The following JPH3 variants were observed in gnomAD, a reference collection of about 807,000 sequenced individuals.
The protein encoded by JPH3 is junctophilin 3.
JPH3 carries 11 observed loss-of-function variants against 59.6 expected under a neutral mutation model. The observed-to-expected ratio is 0.18, with a 90% CI of 0.12 to 0.31. JPH3 has a LOEUF of 0.31. JPH3 is among the 10% of genes least tolerant of loss of function. JPH3 has a pLI of 1.00. For synonymous variants in JPH3, 673 were observed against 483.6 expected (o/e 1.39, Z -5.14); for missense variants, 1,202 against 1,105.7 (o/e 1.09, Z -1.24).
chr16:87,664,349 T>C (rs922647213), intron 2 of JPH3, among the ~76,000 whole-genome samples: 1 of 141,806 alleles, frequency 7.1e-6, no homozygotes, highest in Non-Finnish European at 1.5e-5. Context: ...AAAAAAATCA[T>C]ATGGCCCGTC....
intron 1 of JPH3, among the ~76,000 whole-genome samples, chr16:87,613,649 A>G (rs1364133465): frequency 1.3e-5 from 2 of 151,984 alleles, no homozygotes; most frequent in Non-Finnish European, 2.9e-5. Flanking sequence ...TATATTTTTG[A>G]TCTGCAGTTG....
intron 1 of JPH3, among the ~76,000 whole-genome samples, chr16:87,643,346 G>T (rs2032018356): frequency 6.6e-6 from 1 of 152,174 alleles, no homozygotes; most frequent in Non-Finnish European, 1.5e-5. Context: ...GTGCTGCTGA[G>T]AACCCAGGTG....
At chr16:87,653,373 C>T (rs2032389721) in intron 2 of JPH3, among the ~76,000 whole-genome samples, 1 of 152,100 alleles carries the variant, frequency 6.6e-6, no homozygotes, top group Non-Finnish European at 1.5e-5. Flanking sequence ...CTGCAGGGTT[C>T]TCCAGTGAGT....
chr16:87,656,915 C>A (rs1427897728), intron 2 of JPH3, among the ~76,000 whole-genome samples: 2 of 152,178 alleles, frequency 1.3e-5, no homozygotes, highest in Non-Finnish European at 2.9e-5. Flanking sequence ...TCGCTCTGTT[C>A]ACGGGGCTTT....
intron 2 of JPH3, chr16:87,653,826 G>C (rs1020613708): frequency 6.6e-6 from 1 of 152,256 alleles, no homozygotes; most frequent in Admixed American, 6.5e-5. Flanking sequence ...CGGACACACA[G>C]AATGCCACGT....
At chr16:87,616,010 G>C (rs1463253450) in intron 1 of JPH3, among the ~76,000 whole-genome samples, 3 of 152,188 alleles carry the variant, frequency 2.0e-5, no homozygotes, top group Non-Finnish European at 2.9e-5. Context: ...TGCGTGCAGG[G>C]GCACCACGGC....
chr16:87,604,538 C>T lies in JPH3; in HGVS notation c.382+1010C>T, dbSNP rs1477666808. 10 of 1,261,816 alleles carry T rather than the reference C, an allele frequency of 7.9e-6. No homozygotes were observed. The African/African-American group carries it at 9.2e-5, about 12-fold the overall frequency. 78.2% of individuals were successfully genotyped at this position (1,261,816 alleles called of 1,614,324 possible). The stretch of plus-strand genomic sequence containing the variant: ...CACTGGGTCCTCTGCCTCCCTCGGG[C>T]GGCTCGCCTGTTTCAGGCATGGATG... On this transcript the variant is annotated intron_variant, in intron 1 of 4. Transcript: ENST00000284262.
rs147468725 is a variant in JPH3 at position 87,644,905 on chromosome 16, G to T, written c.1030G>T (p.Val344Phe). The change falls in exon 2 of 5, where the codon GTC (valine) becomes TTC (phenylalanine). Residue 344 changes from valine (V) to phenylalanine (F), a missense_variant. Coordinates refer to ENST00000284262, the MANE Select transcript of JPH3 (RefSeq NM_020655.4). ...EEGKYKQNIL[V>F]GGKRKNLIPL... Reference sequence around the variant, plus strand: ...GGGCAAGTACAAGCAGAACATCCTCGTCGGCGGCAAGCGCAAGAACCTCAT... The same window carrying T: ...GGGCAAGTACAAGCAGAACATCCTCTTCGGCGGCAAGCGCAAGAACCTCAT... The T allele has an allele frequency of 8.1e-6, 13 of 1,612,978 alleles. No individual in the cohort carries two copies. Among genetic ancestry groups the T allele is most frequent in the Middle Eastern group, 3.3e-4 (2 of 6,082 alleles).
intron 2 of JPH3, among the ~76,000 whole-genome samples, chr16:87,680,538 G>T (rs796510165): frequency 6.6e-6 from 1 of 152,374 alleles, no homozygotes; most frequent in South Asian, 2.1e-4. Context: ...TCCAGGGAAG[G>T]TTGCAAGAAA....
In JPH3 at chr16:87,690,321, G is replaced by C. The variant is rs750778818; in HGVS notation, c.1961G>C (p.Arg654Thr). 13 of 1,592,344 alleles carry C rather than the reference G, an allele frequency of 8.2e-6. No individual in the cohort carries two copies. The East Asian group carries it at 9.1e-5, about 11-fold the overall frequency. The change falls in exon 4 of 5, where the codon AGA (arginine) becomes ACA (threonine). Residue 654 changes from arginine (R) to threonine (T), a missense_variant. Coordinates refer to ENST00000284262, the MANE Select transcript of JPH3 (RefSeq NM_020655.4). ...GAGGACCGGGGCTTCGGGGTGCAGA[G>C]ACTGCGGTCCAAGGCCCAGAACAAG... ...RPEDRGFGVQ[R>T]LRSKAQNKEN...
chr16:87,647,982 A>AG (rs1227905369), intron 2 of JPH3, among the ~76,000 whole-genome samples: 4 of 152,108 alleles, frequency 2.6e-5, no homozygotes, highest in African/African-American at 9.7e-5. Flanking sequence ...TCCCTGCTGA[A>AG]GGGGGGCGGG....
At chr16:87,604,552 C>T (rs556713528) in intron 1 of JPH3, 38 of 1,253,920 alleles carry the variant, frequency 3.0e-5, no homozygotes, top group Non-Finnish European at 7.1e-6. Flanking sequence ...TCGCCTGTTT[C>T]AGGCATGGAT....
chr16:87,639,645 T>C (rs1167710921), intron 1 of JPH3, among the ~76,000 whole-genome samples: 1 of 149,542 alleles, frequency 6.7e-6, no homozygotes, highest in Non-Finnish European at 1.5e-5. Context: ...GCCTCCCGCC[T>C]GTCCTCCCGC....
intron 1 of JPH3, among the ~76,000 whole-genome samples, chr16:87,612,870 AT>A (rs1353866857): frequency 2.6e-5 from 4 of 151,460 alleles, no homozygotes; most frequent in East Asian, 2.0e-4. Flanking sequence ...TACAAAAAAA[AT>A]ATTAGCTGGG....
intron 3 of JPH3, among the ~76,000 whole-genome samples, chr16:87,686,647 G>C (rs1459936289): frequency 6.7e-6 from 1 of 148,484 alleles, no homozygotes; most frequent in Non-Finnish European, 1.5e-5. Context: ...CCTGGATTCA[G>C]AGGAGATGCT....
chr16:87,643,027 C>G (rs967957694), intron 1 of JPH3, among the ~76,000 whole-genome samples: 2 of 152,210 alleles, frequency 1.3e-5, no homozygotes, highest in African/African-American at 4.8e-5. Context: ...CTGCAAAACT[C>G]TGTCCCTATT....
intron 4 of JPH3, chr16:87,693,472 G>C (rs1228461383): frequency 6.6e-6 from 1 of 152,248 alleles, no homozygotes. Context: ...TTATCAGTTC[G>C]AGACCAGCCT....
intron 1 of JPH3, among the ~76,000 whole-genome samples, chr16:87,627,425 C>A (rs2031417331): frequency 6.6e-6 from 1 of 152,222 alleles, no homozygotes; most frequent in Non-Finnish European, 1.5e-5. Flanking sequence ...ACCACTGAGA[C>A]CACCCATGGA....
rs1567610816 is a variant in JPH3, at chr16:87,677,227, A to ACACACACACACAC, written c.1161-6915_1161-6914insCACACACACACAC. Reference sequence around the variant, plus strand: ...ACACACACACACACACACACACACAAAAAAAAAAATTAGCCGGGTGTGGTG... The same window carrying ACACACACACACAC: ...ACACACACACACACACACACACACAACACACACACACACAAAAAAAAATTAGCCGGGTGTGGTG... On this transcript the variant is annotated intron_variant, in intron 2 of 4. Transcript: ENST00000284262. Among the ~76,000 whole-genome samples, 226 of 99,174 alleles carry ACACACACACACAC rather than the reference A, an allele frequency of 2.3e-3. 5 individuals are homozygous for ACACACACACACAC. The highest frequency in any genetic ancestry group is 2.8e-3 in the Non-Finnish European group (145 of 51,762). 65.1% of individuals were successfully genotyped at this position (99,174 alleles called of 152,430 possible). A position where few individuals can be genotyped will look rare whatever the true frequency, so the allele number is the denominator to read the frequency against.
Sources: allele counts gnomAD v4.1 joint callset (sites outside exome capture counted in the v4.1 genomes callset), GRCh38; gene constraint gnomAD v4.1.1; transcripts MANE v1.5; gene names NCBI Gene and HGNC (gene_info 2026-07-23, HGNC 2026-07-21).